USP24: variants seen among roughly 807,000 people sequenced by gnomAD.
USP24 encodes ubiquitin specific peptidase 24.
USP24 carries 97 observed loss-of-function variants against 361.6 expected under a neutral mutation model. That is an observed-to-expected ratio of 0.27 (90% CI 0.23 to 0.32). The LOEUF is 0.32. USP24 is among the 10% of genes least tolerant of loss of function. The pLI is 1.00. For missense variants in USP24, 2,353 were observed against 3,165.6 expected (o/e 0.74, Z 6.16); for synonymous variants, 1,098 against 1,124.6 (o/e 0.98, Z 0.47).
At chr1:55,093,810 G>C (rs1645434579) in intron 52 of USP24, 127 bp downstream of exon 52, 1 of 1,334,136 alleles carries the variant, frequency 7.5e-7, no homozygotes, top group East Asian at 2.5e-5. Flanking sequence ...AGGTTCATGA[G>C]ACAAGTGTGT....
intron 55 of USP24, among the ~76,000 whole-genome samples, chr1:55,087,020 T>C (rs1645265550): frequency 6.6e-6 from 1 of 152,224 alleles, no homozygotes; most frequent in Non-Finnish European, 1.5e-5. Flanking sequence ...TTTTTTACAA[T>C]TATAATTATG....
intron 16 of USP24, among the ~76,000 whole-genome samples, chr1:55,152,206 G>A (rs1457738843): frequency 3.9e-5 from 6 of 152,118 alleles, no homozygotes; most frequent in Admixed American, 1.3e-4. Flanking sequence ...TTTACTGGGA[G>A]CAGTGGGGAA....
chr1:55,116,024 G>A (rs751519048), intron 38 of USP24, among the ~76,000 whole-genome samples: 1 of 152,132 alleles, frequency 6.6e-6, no homozygotes, highest in Non-Finnish European at 1.5e-5. Context: ...TCGGGGGGTG[G>A]GCAGGCTAGG....
At chr1:55,089,797 A>G in intron 54 of USP24, 57 bp from the exon 55 acceptor site, 1 of 1,192,808 alleles carries the variant, frequency 8.4e-7, no homozygotes, top group Non-Finnish European at 1.2e-6. Flanking sequence ...CAATGACCTC[A>G]TGCAGTGCAC....
At chr1:55,214,735 C>T in intron 1 of USP24, 55 bp downstream of exon 1, 1 of 1,148,882 alleles carries the variant, frequency 8.7e-7, no homozygotes, top group Non-Finnish European at 1.1e-6. Flanking sequence ...GTGTCCCCTC[C>T]CAGGAACTCC....
intron 1 of USP24, among the ~76,000 whole-genome samples, chr1:55,199,098 T>C (rs1026698284): frequency 6.6e-6 from 1 of 152,066 alleles, no homozygotes; most frequent in Non-Finnish European, 1.5e-5. Flanking sequence ...GGGACCAGCT[T>C]GGCCAACAGG....
At chr1:55,115,351 C>A (rs1646077447) in intron 38 of USP24, among the ~76,000 whole-genome samples, 2 of 151,450 alleles carry the variant, frequency 1.3e-5, no homozygotes, top group Admixed American at 1.3e-4. Flanking sequence ...AAAAAATTAG[C>A]CGGGCGTAGT....
In USP24 at chr1:55,214,776, T is replaced by C; in HGVS notation, c.324+14A>G. On this transcript the variant is annotated intron_variant, in intron 1 of 67. Coordinates refer to ENST00000294383, the MANE Select transcript of USP24 (RefSeq NM_015306.3). ...AGTGGCTTCCCACAGAGGTCTGGGG[T>C]TGCCCCTCCTCACCTCCGCGTCCAC... 1 of 1,213,236 alleles carries C rather than the reference T, an allele frequency of 8.2e-7. No individual in the cohort carries two copies. 75.2% of individuals were successfully genotyped at this position (1,213,236 alleles called of 1,614,324 possible).
rs17111568 is a variant in USP24 at position 55,071,525 on chromosome 1, G to C, written c.7800+289C>G. The C allele has an allele frequency of 3.4e-6, 4 of 1,182,658 alleles. No individual in the cohort carries two copies. In the Admixed American group the frequency reaches 1.5e-4, roughly 45 times the overall value. The allele number at this position is 1,182,658 out of a possible 1,614,324, so 73.3% of individuals were successfully genotyped here. On this transcript the variant is annotated intron_variant, in intron 67 of 67. Coordinates refer to ENST00000294383, the MANE Select transcript of USP24 (RefSeq NM_015306.3). The stretch of plus-strand genomic sequence containing the variant: ...CAGAATAAAGTGAACAAGCTGGAAC[G>C]AATCCCCCTGTGCCCTGGCTTCATC...
At chr1:55,140,731 G>C (rs186516087) in intron 24 of USP24, among the ~76,000 whole-genome samples, 1 of 152,326 alleles carries the variant, frequency 6.6e-6, no homozygotes, top group African/African-American at 2.4e-5. Context: ...GGCAGCAGCA[G>C]AGTGAGGTAG....
chr1:55,169,052 GA>G (rs1377609600), intron 5 of USP24, among the ~76,000 whole-genome samples: 1 of 152,014 alleles, frequency 6.6e-6, no homozygotes. Flanking sequence ...ATCAGGCACA[GA>G]ATATAAAGTA....
chr1:55,147,130 C>A, intron 18 of USP24, 70 bp from the exon 19 acceptor site: 1 of 1,419,510 alleles, frequency 7.0e-7, no homozygotes, highest in Non-Finnish European at 9.3e-7. Flanking sequence ...TAAAACAAAA[C>A]AAAACTTTAA....
At chr1:55,097,892 CTATG>C (rs1645534199) in intron 47 of USP24, 47 bp downstream of exon 47, 1 of 1,554,798 alleles carries the variant, frequency 6.4e-7, no homozygotes, top group Admixed American at 2.1e-5. Flanking sequence ...CAAAGACGCA[CTATG>C]CGAATAACAA....
At chr1:55,102,700 AC>A (rs1645666749) in intron 42 of USP24, among the ~76,000 whole-genome samples, 1 of 152,112 alleles carries the variant, frequency 6.6e-6, no homozygotes, top group Admixed American at 6.6e-5. Context: ...AAAAAAAAAA[AC>A]TGGTTTGTAA....
At chr1:55,171,115 A>C (rs1649401205) in intron 5 of USP24, among the ~76,000 whole-genome samples, 2 of 152,212 alleles carry the variant, frequency 1.3e-5, no homozygotes, top group Non-Finnish European at 2.9e-5. Context: ...TTTGATATAA[A>C]ATATACTGGT....
chr1:55,118,544 C>T (rs1012295253), intron 38 of USP24, among the ~76,000 whole-genome samples: 2 of 152,056 alleles, frequency 1.3e-5, no homozygotes, highest in Non-Finnish European at 2.9e-5. Context: ...AGGATTTGGC[C>T]ATAATTTCCT....
chr1:55,194,906 T>C (rs1483052323), intron 1 of USP24, among the ~76,000 whole-genome samples: 3 of 152,204 alleles, frequency 2.0e-5, no homozygotes, highest in African/African-American at 4.8e-5. Context: ...GTCTCTGTCC[T>C]GTGTTGCTCG....
At chr1:55,120,415 G>A (rs899115817) in intron 38 of USP24, among the ~76,000 whole-genome samples, 181 bp downstream of exon 38, 1 of 152,192 alleles carries the variant, frequency 6.6e-6, no homozygotes, top group East Asian at 1.9e-4. Context: ...TGGAGAAGAA[G>A]GCCTGGTAGT....
chr1:55,126,869 A>AC (rs1380285652), intron 32 of USP24, among the ~76,000 whole-genome samples: 1 of 152,026 alleles, frequency 6.6e-6, no homozygotes. Flanking sequence ...GTCCATGCCT[A>AC]CCTCACCCAG....
Sources: allele counts gnomAD v4.1 joint callset (sites outside exome capture counted in the v4.1 genomes callset), GRCh38; gene constraint gnomAD v4.1.1; transcripts MANE v1.5; gene names NCBI Gene and HGNC (gene_info 2026-07-23, HGNC 2026-07-21).